NHSL1: variants seen among roughly 807,000 people sequenced by gnomAD.
NHSL1 encodes NHS like 1.
In NHSL1, 48 loss-of-function variants were observed where a neutral mutation model predicts 95.0. The observed-to-expected ratio is 0.51, with a 90% CI of 0.40 to 0.64. The LOEUF is 0.64. Among genes scored for constraint, NHSL1 ranks in the 30% least tolerant of loss-of-function variants. The probability of loss-of-function intolerance (pLI) is 0.00; values close to 1 mark genes in which losing one functional copy is unlikely to be tolerated. For synonymous variants in NHSL1, 783 were observed against 833.9 expected, an observed-to-expected ratio of 0.94 and a Z score of 1.05; for missense variants, 1,971 against 2,077.7, an observed-to-expected ratio of 0.95 and a Z score of 1.00.
intron 1 of NHSL1, among the ~76,000 whole-genome samples, chr6:138,523,281 A>G (rs1781758279): frequency 6.6e-6 from 1 of 152,114 alleles, no homozygotes; most frequent in South Asian, 2.1e-4. Context: ...GCAGTGAATT[A>G]AAGAGAGTTT....
chr6:138,597,604 C>T (rs1458727441), intron 1 of NHSL1, among the ~76,000 whole-genome samples: 2 of 152,216 alleles, frequency 1.3e-5, no homozygotes, highest in Non-Finnish European at 2.9e-5. Flanking sequence ...AATCATATCA[C>T]TGACCACCTA....
intron 1 of NHSL1, among the ~76,000 whole-genome samples, chr6:138,577,801 C>T (rs1783993535): frequency 6.6e-6 from 1 of 152,132 alleles, no homozygotes; most frequent in Non-Finnish European, 1.5e-5. Flanking sequence ...ATAATGAAAG[C>T]TTATCTCAAT....
At chr6:138,482,778 G>A (rs927724354) in intron 2 of NHSL1, among the ~76,000 whole-genome samples, 2 of 152,124 alleles carry the variant, frequency 1.3e-5, no homozygotes, top group African/African-American at 4.8e-5. Context: ...GCTGTGTCTT[G>A]GAATCCTAAC....
intron 1 of NHSL1, among the ~76,000 whole-genome samples, chr6:138,605,170 C>T (rs1254001889): frequency 6.6e-6 from 1 of 152,188 alleles, no homozygotes; most frequent in African/African-American, 2.4e-5. Context: ...GCACAATTAA[C>T]TAGACAACGG....
chr6:138,504,230 G>A (rs1780840570), upstream of NHSL1, among the ~76,000 whole-genome samples: 1 of 151,982 alleles, frequency 6.6e-6, no homozygotes, highest in Admixed American at 6.6e-5. Context: ...ATGAGACCTT[G>A]TCTCTTAAAA....
At chr6:138,554,054 C>T (rs1783106373) in intron 1 of NHSL1, among the ~76,000 whole-genome samples, 1 of 152,176 alleles carries the variant, frequency 6.6e-6, no homozygotes, top group African/African-American at 2.4e-5. Flanking sequence ...ATAATGTCCC[C>T]AAATTCCCTT....
In NHSL1 at chr6:138,431,428, G is replaced by C. The variant is rs375447812; in HGVS notation, c.2917C>G (p.Pro973Ala). 101 of 1,550,700 alleles carry C rather than the reference G, an allele frequency of 6.5e-5. 1 individual carries two copies. Among genetic ancestry groups the C allele is most frequent in the South Asian group, 6.3e-4 (53 of 84,036 alleles). Residue 973 changes from proline to alanine, a missense_variant, in exon 6 of 8, where the codon CCT becomes GCT. Coordinates refer to ENST00000343505, the MANE Select transcript of NHSL1 (RefSeq NM_001144060.2). This position sits in a 1 kb window ranked among gnomAD's most constrained non-coding sequence, Gnocchi z 4.0. ...GGAATGAGAGCTTCTGGCGGCGGAGGGGGGAACACAGGAGAGTGAGGCAGA... is the reference window on the plus strand; with the variant it reads ...GGAATGAGAGCTTCTGGCGGCGGAGCGGGGAACACAGGAGAGTGAGGCAGA... ...SPLPHSPVFP[P>A]PPPEALIPFC...
At chr6:138,429,940 C>G in intron 6 of NHSL1, 97 bp from the exon 7 acceptor site, 4 of 1,261,712 alleles carry the variant, frequency 3.2e-6, no homozygotes, top group Non-Finnish European at 2.2e-6. Flanking sequence ...CCATTCCCGA[C>G]AATGTGAGAA....
chr6:138,661,325 A>C (rs187323080), intron 1 of NHSL1, among the ~76,000 whole-genome samples: 4 of 152,128 alleles, frequency 2.6e-5, no homozygotes, highest in African/African-American at 7.2e-5. Context: ...TACTCTCTGT[A>C]GAAGTTCAAC....
chr6:138,547,552 T>G (rs1782849524), upstream of NHSL1, among the ~76,000 whole-genome samples: 1 of 152,150 alleles, frequency 6.6e-6, no homozygotes, highest in South Asian at 2.1e-4. Context: ...GGCTAATGTT[T>G]TTTTGTATTT....
At chr6:138,609,301 G>C (rs73566606) in intron 1 of NHSL1, among the ~76,000 whole-genome samples, 6,008 of 152,192 alleles carry the variant, frequency 0.039, 369 homozygotes, top group African/African-American at 0.14. Flanking sequence ...TGGATGTCAG[G>C]AAGAATGTGA....
intron 1 of NHSL1, among the ~76,000 whole-genome samples, chr6:138,670,811 T>C (rs1785358346): frequency 6.6e-6 from 1 of 151,534 alleles, no homozygotes; most frequent in Admixed American, 6.6e-5. Flanking sequence ...AAAAACCTGA[T>C]AGCAAAAATG....
At chr6:138,516,858 C>T (rs950572549) in intron 1 of NHSL1, among the ~76,000 whole-genome samples, 2 of 152,104 alleles carry the variant, frequency 1.3e-5, no homozygotes, top group Admixed American at 6.5e-5. Flanking sequence ...TGGTCTCAAA[C>T]TCCTGAGCTC....
chr6:138,545,503 C>G (rs1242013646), intron 1 of NHSL1: 2 of 701,660 alleles, frequency 2.9e-6, no homozygotes, highest in Non-Finnish European at 4.3e-6. Context: ...TTCATACTTA[C>G]AAAACTCCCT....
At chr6:138,549,625 C>T (rs1349115295), upstream of NHSL1, among the ~76,000 whole-genome samples, 3 of 152,180 alleles carry the variant, frequency 2.0e-5, no homozygotes, top group Non-Finnish European at 2.9e-5. Context: ...TAAGCCACCA[C>T]GCTTGGGGTA....
intron 1 of NHSL1, among the ~76,000 whole-genome samples, chr6:138,610,051 C>A (rs1466883701): frequency 1.3e-5 from 2 of 152,114 alleles, no homozygotes; most frequent in Admixed American, 1.3e-4. Context: ...TTCCCCATAA[C>A]ACCCCCACCT....
chr6:138,669,538 C>T (rs1421862418), intron 1 of NHSL1, among the ~76,000 whole-genome samples: 1 of 152,096 alleles, frequency 6.6e-6, no homozygotes, highest in African/African-American at 2.4e-5. Flanking sequence ...AATTGTTAAC[C>T]CTACATCTCC....
chr6:138,501,435 G>A (rs1780672995), upstream of NHSL1, among the ~76,000 whole-genome samples: 1 of 152,196 alleles, frequency 6.6e-6, no homozygotes, highest in African/African-American at 2.4e-5. Flanking sequence ...ATAAAAGGGG[G>A]TTTGAGGGTG....
At chr6:138,453,569 C>T (rs946105181) in intron 3 of NHSL1, among the ~76,000 whole-genome samples, 1 of 152,046 alleles carries the variant, frequency 6.6e-6, no homozygotes, top group South Asian at 2.1e-4. Flanking sequence ...TTTTTTGAGA[C>T]AGGGTCTCAC....
Sources: gnomAD v4.1 joint callset for allele counts (sites outside exome capture counted in the v4.1 genomes callset) on GRCh38, gnomAD v4.1.1 for gene constraint, Gnocchi (gnomAD v3.1) non-coding constraint, MANE v1.5 for transcripts, NCBI Gene and HGNC (gene_info 2026-07-23, HGNC 2026-07-21) for gene names.